The following ARGFX variants were observed in gnomAD, a reference collection of about 807,000 sequenced individuals.
The protein encoded by ARGFX is arginine-fifty homeobox.
Under a neutral mutation model 8.0 loss-of-function variants are expected in ARGFX, and 10 were observed. The ratio of observed to expected loss-of-function variants is 1.25; its 90% CI spans 0.77 to 2.12. ARGFX has a LOEUF of 2.12. Among genes scored for constraint, ARGFX ranks in the 30% most tolerant of loss-of-function variants. ARGFX has a pLI of 0.00. For synonymous variants in ARGFX, 116 were observed against 117.8 expected, an observed-to-expected ratio of 0.98 and a Z score of 0.10; for missense variants, 282 against 324.3, an observed-to-expected ratio of 0.87 and a Z score of 1.00.
rs1428319802 is a variant in ARGFX, at chr3:121,588,410, G to A, written c.*1810G>A. Among the ~76,000 whole-genome samples the A allele has an allele frequency of 4.0e-5, 6 of 150,460 alleles. No individual in the cohort carries two copies. The highest frequency in any genetic ancestry group is 1.5e-4 in the African/African-American group (6 of 40,986). On this transcript the variant is annotated 3_prime_UTR_variant, in exon 5 of 5. Transcript: ENST00000334384. ...GGAGAATTGCTTGAACCTGGGAGGT[G>A]GAGGTTGCAGTGAGCTGAGGTCGCA...
intron 3 of ARGFX, among the ~76,000 whole-genome samples, chr3:121,583,563 G>T (rs13065635): frequency 0.1 from 15,447 of 151,802 alleles, 952 homozygotes; most frequent in South Asian, 0.13. Context: ...TCCCACCTCA[G>T]CCTCAAGAAT....
intron 3 of ARGFX, among the ~76,000 whole-genome samples, chr3:121,581,646 A>G (rs980510395): frequency 6.6e-6 from 1 of 152,158 alleles, no homozygotes; most frequent in Admixed American, 6.5e-5. Flanking sequence ...CATACCTGTA[A>G]TTCTAGCACT....
At chr3:121,585,133 C>T (rs2048803545) in intron 4 of ARGFX, 68 bp downstream of exon 4, 1 of 1,542,262 alleles carries the variant, frequency 6.5e-7, no homozygotes. Context: ...CCTGGAAATT[C>T]CCCACCCTCT....
At chr3:121,582,615 G>A (rs2048786465) in intron 3 of ARGFX, among the ~76,000 whole-genome samples, 1 of 152,128 alleles carries the variant, frequency 6.6e-6, no homozygotes. Context: ...TATCTATAGT[G>A]TTTATTTTTG....
chr3:121,585,404 CTT>C (rs1379535133), intron 4 of ARGFX, among the ~76,000 whole-genome samples: 1 of 152,146 alleles, frequency 6.6e-6, no homozygotes, highest in Non-Finnish European at 1.5e-5. Context: ...CGCTTAGAGT[CTT>C]TTTAAGCAAA....
intron 2 of ARGFX, among the ~76,000 whole-genome samples, chr3:121,571,981 A>G (rs2048711649): frequency 6.6e-6 from 1 of 151,342 alleles, no homozygotes; most frequent in Admixed American, 6.6e-5. Flanking sequence ...GGCATGTGGC[A>G]CCATGCCTGG....
At chr3:121,570,897 TTTTA>T in intron 2 of ARGFX, 81 bp downstream of exon 2, 6 of 954,340 alleles carry the variant, frequency 6.3e-6, no homozygotes, top group Admixed American at 3.0e-5. Context: ...TTTGCATTTG[TTTTA>T]AGGCAGCTAT....
At chr3:121,574,528 T>A (rs764827386) in intron 2 of ARGFX, among the ~76,000 whole-genome samples, 5 of 152,232 alleles carry the variant, frequency 3.3e-5, no homozygotes, top group African/African-American at 4.8e-5. Context: ...CTTAGATCCC[T>A]CACCTGTGCA....
At chr3:121,580,405 A>G (rs760030798) in intron 3 of ARGFX, among the ~76,000 whole-genome samples, 1 of 151,900 alleles carries the variant, frequency 6.6e-6, no homozygotes, top group Non-Finnish European at 1.5e-5. Flanking sequence ...AAAATAAATA[A>G]ACAAAATAAA....
At chr3:121,573,984 G>A (rs572379242) in intron 2 of ARGFX, among the ~76,000 whole-genome samples, 10 of 151,946 alleles carry the variant, frequency 6.6e-5, no homozygotes, top group East Asian at 5.8e-4. Context: ...AACCATACCC[G>A]TTAGGATGAC....
At chr3:121,575,994 A>T (rs1240699219) in intron 2 of ARGFX, among the ~76,000 whole-genome samples, 43 of 152,138 alleles carry the variant, frequency 2.8e-4, no homozygotes, top group Non-Finnish European at 1.6e-4. Context: ...ATAAGGTCTC[A>T]TTGTACATAA....
At chr3:121,580,567 A>AGTGTGTGTGTGTGTGTGTGT (rs143363410) in intron 3 of ARGFX, among the ~76,000 whole-genome samples, 1 of 128,094 alleles carries the variant, frequency 7.8e-6, no homozygotes, top group Non-Finnish European at 1.6e-5. Context: ...TATAAAGAAA[A>AGTGTGTGTGTGTGTGTGTGT]GTGTGTGTGT....
intron 3 of ARGFX, among the ~76,000 whole-genome samples, chr3:121,580,499 A>G (rs2048771466): frequency 6.6e-6 from 1 of 151,524 alleles, no homozygotes; most frequent in South Asian, 2.1e-4. Flanking sequence ...TCATTGCAAT[A>G]GGTTCTCATA....
chr3:121,582,867 C>A (rs2048788361), intron 3 of ARGFX, among the ~76,000 whole-genome samples: 1 of 151,660 alleles, frequency 6.6e-6, no homozygotes, highest in South Asian at 2.1e-4. Context: ...CCATGCCCAC[C>A]TAATTTTTAA....
chr3:121,577,702 C>T (rs1429852844), intron 3 of ARGFX, among the ~76,000 whole-genome samples: 1 of 152,096 alleles, frequency 6.6e-6, no homozygotes, highest in Non-Finnish European at 1.5e-5. Context: ...TGTATTAATG[C>T]CTTTACATTA....
rs1340404798 is a variant in ARGFX, at chr3:121,590,016, G to T, written c.*3416G>T. Among the ~76,000 whole-genome samples the T allele has an allele frequency of 6.6e-6, 1 of 151,954 alleles. No homozygotes were observed. Among genetic ancestry groups the T allele is most frequent in the African/African-American group, 2.4e-5 (1 of 41,376 alleles). ...GTTCTTTGAAAAGATCTACAAAATG[G>T]CAAACATTTAGCTAGATTGACCACC... On this transcript the variant is annotated 3_prime_UTR_variant, in exon 5 of 5. Transcript: ENST00000334384.
chr3:121,570,625 AG>A, intron 1 of ARGFX, 76 bp from the exon 2 acceptor site: 1 of 931,988 alleles, frequency 1.1e-6, no homozygotes, highest in South Asian at 1.9e-5. Flanking sequence ...CATCAAGCCC[AG>A]GCTCCTTGAA....
rs575894654 is a variant in ARGFX at position 121,576,128 on chromosome 3, G to A, written c.104-656G>A. The stretch of plus-strand genomic sequence containing the variant: ...TTTTCTCCTTTTTTTTTTCCTTTTT[G>A]TGGAGAATGGGGGTCTCACTATGTT... On this transcript the variant is annotated intron_variant, in intron 2 of 4. Coordinates refer to ENST00000334384, the MANE Select transcript of ARGFX (RefSeq NM_001012659.2). Among the ~76,000 whole-genome samples the A allele has an allele frequency of 5.7e-4, 85 of 148,454 alleles. 3 individuals carry two copies. The highest frequency in any genetic ancestry group is 7.0e-3 in the Middle Eastern group (2 of 286).
intron 2 of ARGFX, among the ~76,000 whole-genome samples, chr3:121,572,080 C>T (rs887913489): frequency 6.6e-6 from 1 of 151,924 alleles, no homozygotes. Context: ...GATCCACCTG[C>T]CTTGGCCTCT....
Sources: allele counts gnomAD v4.1 joint callset (sites outside exome capture counted in the v4.1 genomes callset), GRCh38; gene constraint gnomAD v4.1.1; transcripts MANE v1.5; gene names NCBI Gene and HGNC (gene_info 2026-07-23, HGNC 2026-07-21).